The following FYB2 variants were observed in gnomAD, a reference collection of about 807,000 sequenced individuals.
The protein encoded by FYB2 is FYN-binding protein 2.
Under a neutral mutation model 94.1 loss-of-function variants are expected in FYB2, and 103 were observed. That is an observed-to-expected ratio of 1.09 (90% CI 0.93 to 1.29). The LOEUF (loss-of-function observed/expected upper bound fraction) is 1.29, where lower values mean the gene tolerates loss of function less well. FYB2 is among the 50% of genes most tolerant of loss of function. FYB2 has a pLI of 0.00. For missense variants in FYB2, 896 were observed against 841.5 expected, an observed-to-expected ratio of 1.06 and a Z score of -0.80; for synonymous variants, 293 against 287.9, an observed-to-expected ratio of 1.02 and a Z score of -0.18.
At chr1:56,772,940 G>C (rs1255004194) in intron 4 of FYB2, among the ~76,000 whole-genome samples, 2 of 151,990 alleles carry the variant, frequency 1.3e-5, no homozygotes, top group Non-Finnish European at 2.9e-5. Flanking sequence ...CATAGCATCA[G>C]GTTTCTAACT....
upstream of FYB2, chr1:56,823,633 G>A (rs1647006160): frequency 6.6e-6 from 1 of 152,140 alleles, no homozygotes; most frequent in African/African-American, 2.4e-5. Context: ...AATATAGTAA[G>A]AGCTTTTTTG....
At chr1:56,747,218 C>A (rs1333924626) in intron 9 of FYB2, among the ~76,000 whole-genome samples, 5 of 151,652 alleles carry the variant, frequency 3.3e-5, no homozygotes, top group Admixed American at 1.3e-4. Context: ...GAAATATCTT[C>A]TCCGACCCAG....
intron 1 of FYB2, among the ~76,000 whole-genome samples, chr1:56,806,664 C>T (rs1374355418): frequency 1.3e-5 from 2 of 152,066 alleles, no homozygotes; most frequent in Admixed American, 6.6e-5. Flanking sequence ...ATAGAGAACC[C>T]CCAAAGCAAA....
rs375972129 is a variant in FYB2 at position 56,730,983 on chromosome 1, T to C, written c.1794-4400A>G. Among the ~76,000 whole-genome samples, 86 of 152,154 alleles carry C rather than the reference T, an allele frequency of 5.7e-4. 1 individual carries two copies. In the East Asian group the frequency reaches 0.013, roughly 22 times the overall value. ...GAAATGCAAGAACATATTAGTGGGA[T>C]ATATCCCTGAGCCCAGGAAGTCAAG... On this transcript the variant is annotated intron_variant, in intron 15 of 19. Coordinates refer to ENST00000343433, the MANE Select transcript of FYB2 (RefSeq NM_001004303.5).
intron 9 of FYB2, among the ~76,000 whole-genome samples, chr1:56,750,586 A>G (rs1557607635): frequency 6.6e-6 from 1 of 151,948 alleles, no homozygotes; most frequent in Non-Finnish European, 1.5e-5. Context: ...GTAAAATGCA[A>G]CCTGAATAAA....
At chr1:56,779,819 A>T (rs1645967078) in intron 4 of FYB2, among the ~76,000 whole-genome samples, 1 of 152,200 alleles carries the variant, frequency 6.6e-6, no homozygotes, top group Admixed American at 6.5e-5. Context: ...CTCCAAAAGC[A>T]CTTCATGGTG....
the FYB2 span, among the ~76,000 whole-genome samples, chr1:56,826,343 A>G: frequency 3.3e-5 from 5 of 152,144 alleles, no homozygotes; most frequent in African/African-American, 1.2e-4. Flanking sequence ...TAACTCTCTA[A>G]TGCCTACAGG....
Position 56,723,655 on chromosome 1 carries a change from G to GTT in FYB2, c.1905_1906dup (p.Thr636LysfsTer7), listed in dbSNP as rs761032142. ...GTTCTTTTCTAAGTTTTGCTTCTTG[G>GTT]TTTTGAAGAAATTTCTAGGAGAGAA... On this transcript the variant is annotated frameshift_variant, in exon 17 of 20. Coordinates refer to ENST00000343433, the MANE Select transcript of FYB2 (RefSeq NM_001004303.5). LOFTEE classifies it high-confidence loss of function. 1 of 1,562,842 alleles carries GTT rather than the reference G, an allele frequency of 6.4e-7. No individual in the cohort carries two copies. Among genetic ancestry groups the GTT allele is most frequent in the Non-Finnish European group, 8.8e-7 (1 of 1,139,772 alleles).
chr1:56,773,071 G>A (rs1557634675), intron 4 of FYB2, among the ~76,000 whole-genome samples: 1 of 152,092 alleles, frequency 6.6e-6, no homozygotes, highest in East Asian at 1.9e-4. Context: ...CTCCTTAAAT[G>A]CAATATAAGT....
intron 11 of FYB2, 111 bp downstream of exon 11, chr1:56,743,915 A>G: frequency 8.4e-7 from 1 of 1,188,590 alleles, no homozygotes; most frequent in Non-Finnish European, 1.2e-6. Flanking sequence ...AGCTTCCCAC[A>G]AATTGGCATT....
intron 16 of FYB2, among the ~76,000 whole-genome samples, chr1:56,724,418 A>G (rs1557580069): frequency 6.6e-6 from 1 of 152,032 alleles, no homozygotes; most frequent in South Asian, 2.1e-4. Context: ...GACAGAAGTA[A>G]AAAAGTCAAC....
chr1:56,818,499 C>T (rs1646937159), intron 1 of FYB2, among the ~76,000 whole-genome samples: 1 of 134,960 alleles, frequency 7.4e-6, no homozygotes, highest in African/African-American at 2.8e-5. Context: ...CACACACACA[C>T]ATGCACACGC....
chr1:56,783,518 ATTTAGAGAAGAATGTAGTC>A (rs1434856443), intron 4 of FYB2, among the ~76,000 whole-genome samples: 1 of 152,096 alleles, frequency 6.6e-6, no homozygotes, highest in African/African-American at 2.4e-5. Flanking sequence ...GAGAGTTTTA[ATTTAGAGAAGAATGTAGTC>A]TTTAGATGTT....
chr1:56,723,450 G>A (rs1644525516), intron 17 of FYB2, 138 bp downstream of exon 17: 1 of 513,636 alleles, frequency 1.9e-6, no homozygotes, highest in Non-Finnish European at 3.4e-6. Context: ...AAATAGGAAT[G>A]AAATGCTGGC....
intron 4 of FYB2, among the ~76,000 whole-genome samples, chr1:56,784,185 T>A (rs1048351065): frequency 7.9e-5 from 12 of 152,198 alleles, no homozygotes; most frequent in Non-Finnish European, 1.5e-4. Flanking sequence ...AGAGTTTTAA[T>A]TTGGAGAAGA....
chr1:56,787,743 A>G (rs1351063668), intron 3 of FYB2, among the ~76,000 whole-genome samples: 1 of 152,176 alleles, frequency 6.6e-6, no homozygotes, highest in Non-Finnish European at 1.5e-5. Context: ...CCAAACTTAA[A>G]TAGCTAGTGA....
At chr1:56,793,796 T>C (rs1461875527) in intron 1 of FYB2, among the ~76,000 whole-genome samples, 5 of 151,854 alleles carry the variant, frequency 3.3e-5, no homozygotes, top group Non-Finnish European at 7.4e-5. Flanking sequence ...AGCTAACTTC[T>C]TTCCTGTCTC....
upstream of FYB2, chr1:56,823,833 AATT>A (rs1553170390): frequency 6.6e-6 from 1 of 152,186 alleles, no homozygotes; most frequent in Non-Finnish European, 1.5e-5. Flanking sequence ...CACTCAGATG[AATT>A]ATTAAGATGT....
Position 56,767,843 on chromosome 1 carries a change from T to C in FYB2, c.1049A>G (p.Lys350Arg). 1 of 1,605,878 alleles carries C rather than the reference T, an allele frequency of 6.2e-7. No individual in the cohort carries two copies. Among genetic ancestry groups the C allele is most frequent in the South Asian group, 1.1e-5 (1 of 90,004 alleles). ...SGNSINLCTA[K>R]EIADPTYEVG... is the part of the protein sequence containing the mutation. ...AGCAGACTTACGATCAGCAATTTCT[T>C]TTGCAGTGCACAGGTTAATGGAGTT... The change falls in exon 5 of 20, where the codon AAA (lysine) becomes AGA (arginine). Residue 350 changes from lysine (K) to arginine (R), a missense_variant. Coordinates refer to ENST00000343433, the MANE Select transcript of FYB2 (RefSeq NM_001004303.5).
Sources: allele counts gnomAD v4.1 joint callset (sites outside exome capture counted in the v4.1 genomes callset), GRCh38; gene constraint gnomAD v4.1.1; transcripts MANE v1.5; gene names NCBI Gene and HGNC (gene_info 2026-07-23, HGNC 2026-07-21).